The following PIP4K2A variants were observed in gnomAD, a reference collection of about 807,000 sequenced individuals.
The protein encoded by PIP4K2A is phosphatidylinositol 5-phosphate 4-kinase type-2 alpha.
Under a neutral mutation model 42.9 loss-of-function variants are expected in PIP4K2A, and 14 were observed. The observed-to-expected ratio is 0.33, with a 90% CI of 0.22 to 0.51. The LOEUF is 0.51. Among genes scored for constraint, PIP4K2A ranks in the 20% least tolerant of loss-of-function variants. The pLI is 0.97. For missense variants in PIP4K2A, 434 were observed against 519.8 expected, an observed-to-expected ratio of 0.83 and a Z score of 1.61; for synonymous variants, 192 against 192.2, an observed-to-expected ratio of 1.00 and a Z score of 0.01.
intron 4 of PIP4K2A, among the ~76,000 whole-genome samples, chr10:22,589,667 T>C (rs983185746): frequency 2.0e-5 from 3 of 152,356 alleles, no homozygotes; most frequent in Non-Finnish European, 2.9e-5. Flanking sequence ...GCATCATGCA[T>C]GAACATAAAG....
chr10:22,560,690 G>T (rs549022234), intron 6 of PIP4K2A, among the ~76,000 whole-genome samples: 35 of 152,348 alleles, frequency 2.3e-4, no homozygotes, highest in Non-Finnish European at 4.3e-4. Context: ...TGGGTTTCAG[G>T]AAGAAGGCTG....
At chr10:22,669,261 G>C (rs1342968483) in intron 1 of PIP4K2A, among the ~76,000 whole-genome samples, 2 of 152,122 alleles carry the variant, frequency 1.3e-5, no homozygotes, top group Admixed American at 6.5e-5. Flanking sequence ...GTATAGTTAT[G>C]AGCCGCATAA....
At chr10:22,553,633 C>T (rs1029432331) in intron 6 of PIP4K2A, among the ~76,000 whole-genome samples, 3 of 152,114 alleles carry the variant, frequency 2.0e-5, no homozygotes, top group Admixed American at 1.3e-4. Context: ...AATCATTCTG[C>T]TAAGGTAGAG....
chr10:22,553,577 C>CT (rs1836462471), intron 6 of PIP4K2A, among the ~76,000 whole-genome samples: 1 of 152,160 alleles, frequency 6.6e-6, no homozygotes, highest in Admixed American at 6.5e-5. Context: ...TGCAATTTAA[C>CT]TAAGGTCTCA....
At chr10:22,544,190 A>G (rs539474666) in intron 7 of PIP4K2A, among the ~76,000 whole-genome samples, 2 of 152,198 alleles carry the variant, frequency 1.3e-5, no homozygotes, top group South Asian at 2.1e-4. Context: ...AGCAGCACAC[A>G]TGGCACTGCT....
chr10:22,684,895 A>G (rs986479136), intron 1 of PIP4K2A, among the ~76,000 whole-genome samples: 7 of 152,216 alleles, frequency 4.6e-5, no homozygotes, highest in African/African-American at 1.4e-4. Context: ...GCTGTCCGAT[A>G]CACAGCTGCT....
chr10:22,697,757 TACACACAC>T (rs151301073), intron 1 of PIP4K2A, among the ~76,000 whole-genome samples: 261 of 150,834 alleles, frequency 1.7e-3, no homozygotes, highest in African/African-American at 6.1e-3. Flanking sequence ...AACACACACA[TACACACAC>T]ACACACAAAC....
chr10:22,540,136 C>T, intron 8 of PIP4K2A, 62 bp from the exon 9 acceptor site: 1 of 573,330 alleles, frequency 1.7e-6, no homozygotes, highest in Non-Finnish European at 3.4e-6. Flanking sequence ...AGCATTGCTG[C>T]TGAGGGAGGG....
chr10:22,550,452 C>G (rs189874652), intron 7 of PIP4K2A, among the ~76,000 whole-genome samples: 84 of 152,212 alleles, frequency 5.5e-4, no homozygotes, highest in Admixed American at 4.9e-3. Flanking sequence ...TGTTTGGTGC[C>G]TAAATGAGAG....
intron 1 of PIP4K2A, among the ~76,000 whole-genome samples, chr10:22,674,085 TCTG>T (rs969649759): frequency 1.3e-5 from 2 of 152,204 alleles, no homozygotes; most frequent in African/African-American, 4.8e-5. Flanking sequence ...TTGCTTTTCT[TCTG>T]CTGCTTTCTC....
chr10:22,569,388 G>C (rs1836927727), intron 5 of PIP4K2A, among the ~76,000 whole-genome samples: 1 of 152,184 alleles, frequency 6.6e-6, no homozygotes, highest in Admixed American at 6.5e-5. Flanking sequence ...GCAAACCTGA[G>C]AACCCATTCT....
Position 22,585,530 on chromosome 10 carries a change from C to T in PIP4K2A, c.492+6099G>A, listed in dbSNP as rs562551261. Among the ~76,000 whole-genome samples the T allele has an allele frequency of 2.6e-5, 4 of 152,096 alleles. No individual in the cohort carries two copies. The South Asian group carries it at 8.3e-4, about 32-fold the overall frequency. On this transcript the variant is annotated intron_variant, in intron 4 of 9. Transcript: ENST00000376573. Reference sequence around the variant, plus strand: ...ATTTTCATAAGGTATTTCTTGATCACCTATATTGCAGCTTCCCTCGGGTTA... The same window carrying T: ...ATTTTCATAAGGTATTTCTTGATCATCTATATTGCAGCTTCCCTCGGGTTA...
intron 4 of PIP4K2A, among the ~76,000 whole-genome samples, chr10:22,586,434 T>A (rs1837396249): frequency 6.6e-6 from 1 of 152,246 alleles, no homozygotes; most frequent in Non-Finnish European, 1.5e-5. Context: ...AGTTAAGGAC[T>A]GAATGCCACA....
At chr10:22,550,963 C>A (rs1471162040) in intron 6 of PIP4K2A, among the ~76,000 whole-genome samples, 191 bp from the exon 7 acceptor site, 2 of 152,086 alleles carry the variant, frequency 1.3e-5, no homozygotes, top group African/African-American at 2.4e-5. Context: ...CAGTGAGCCC[C>A]AATCTCTGGA....
At chr10:22,713,671 G>A (rs1833956275) in intron 1 of PIP4K2A, among the ~76,000 whole-genome samples, 1 of 152,180 alleles carries the variant, frequency 6.6e-6, no homozygotes, top group Admixed American at 6.5e-5. Flanking sequence ...TCGCGCTCCG[G>A]TATCCTCGCC....
At chr10:22,625,965 C>T (rs890182543) in intron 1 of PIP4K2A, among the ~76,000 whole-genome samples, 1 of 152,066 alleles carries the variant, frequency 6.6e-6, no homozygotes, top group Non-Finnish European at 1.5e-5. Context: ...TGATAAAGGC[C>T]TGTGCTTACA....
chr10:22,541,900 G>T lies in PIP4K2A; in HGVS notation c.940C>A (p.Pro314Thr), dbSNP rs142947932. The change falls in exon 8 of 10, where the codon CCA becomes ACA. Residue 314 changes from proline (P) to threonine (T), a missense_variant. Pro to Thr is a conservative substitution (Grantham distance 38). This residue lies in a region of PIP4K2A where 395 missense variants were observed against 444.5 expected (regional missense o/e 0.89). Coordinates refer to ENST00000376573, the MANE Select transcript of PIP4K2A (RefSeq NM_005028.5). ...TTCAGTGTATTCCCGGGGCTATCTG[G>T]GGGGGTTCCCACCGGGTGGGTGCCA... is the stretch of plus-strand genomic sequence containing the variant. ...SDGTHPVGTP[P>T]DSPGNTLNSS... 6.2e-7 allele frequency: 1 copy of T among 1,613,836 alleles called. No homozygotes were observed. Among genetic ancestry groups the T allele is most frequent in the South Asian group, 1.1e-5 (1 of 91,040 alleles).
chr10:22,629,006 C>A lies in PIP4K2A; in HGVS notation c.145-19289G>T, dbSNP rs73598584. 7.3e-3 allele frequency among the ~76,000 whole-genome samples: 1,114 copies of A among 152,252 alleles called. 16 individuals are homozygous for A. Among genetic ancestry groups the A allele is most frequent in the African/African-American group, 0.024 (1,014 of 41,538 alleles). On this transcript the variant is annotated intron_variant, in intron 1 of 9. Coordinates refer to ENST00000376573, the MANE Select transcript of PIP4K2A (RefSeq NM_005028.5). The stretch of plus-strand genomic sequence containing the variant: ...AACACCCTTGGCCTACAGGAGGGGT[C>A]CGTTCAGATGGTTTGGGGACCTCAG...
chr10:22,608,618 T>A (rs542214394), intron 2 of PIP4K2A, among the ~76,000 whole-genome samples: 2 of 152,272 alleles, frequency 1.3e-5, no homozygotes, highest in African/African-American at 4.8e-5. Flanking sequence ...TCATTTGTAA[T>A]CCCAGCACTT....
Sources: allele counts gnomAD v4.1 joint callset (sites outside exome capture counted in the v4.1 genomes callset), GRCh38; gene constraint gnomAD v4.1.1; regional missense constraint gnomAD v4.1.1; transcripts MANE v1.5; gene names NCBI Gene and HGNC (gene_info 2026-07-23, HGNC 2026-07-21).